The following NCALD variants were observed in gnomAD, a reference collection of about 807,000 sequenced individuals.
NCALD encodes neurocalcin delta.
In NCALD, 10 loss-of-function variants were observed where a neutral mutation model predicts 18.6. The ratio of observed to expected loss-of-function variants is 0.54; its 90% CI spans 0.33 to 0.91. The LOEUF (loss-of-function observed/expected upper bound fraction) is 0.91, where lower values mean the gene tolerates loss of function less well. Among genes scored for constraint, NCALD ranks in the 40% least tolerant of loss-of-function variants. The probability of loss-of-function intolerance (pLI) is 0.03; values close to 1 mark genes in which losing one functional copy is unlikely to be tolerated. For missense variants in NCALD, 184 were observed against 247.6 expected (o/e 0.74, Z 1.72); for synonymous variants, 88 against 87.4 (o/e 1.01, Z -0.04).
At chr8:101,947,202 A>C (rs1400421916) in intron 2 of NCALD, among the ~76,000 whole-genome samples, 3 of 152,236 alleles carry the variant, frequency 2.0e-5, no homozygotes, top group Non-Finnish European at 4.4e-5. Flanking sequence ...CAAGAGCAAA[A>C]GTCATGGCAA....
chr8:101,690,410 T>A (rs191625957), intron 3 of NCALD: 1 of 985,278 alleles, frequency 1.0e-6, no homozygotes, highest in African/African-American at 1.7e-5. Context: ...TTTATTTCCA[T>A]CTGCTCCTCC....
chr8:101,900,825 GTATAAA>G (rs1262880027), intron 3 of NCALD, among the ~76,000 whole-genome samples: 1 of 151,954 alleles, frequency 6.6e-6, no homozygotes, highest in East Asian at 1.9e-4. Flanking sequence ...TGGGTGGATT[GTATAAA>G]TATAAATTAG....
Position 102,086,639 on chromosome 8 carries a change from G to T in NCALD, c.-210+37598C>A, listed in dbSNP as rs144486596. On this transcript the variant is annotated intron_variant, in intron 1 of 6. Coordinates refer to the NCALD transcript ENST00000311028. Reference sequence around the variant, plus strand: ...CCTCTATAAGTGTAATTTTTTCAAAGAGCAAATACAATCATTTCTCATGCT... The same window carrying T: ...CCTCTATAAGTGTAATTTTTTCAAATAGCAAATACAATCATTTCTCATGCT... Among the ~76,000 whole-genome samples the T allele has an allele frequency of 8.5e-5, 13 of 152,264 alleles. No homozygotes were observed. In the East Asian group the frequency reaches 2.3e-3, roughly 27 times the overall value.
chr8:102,022,645 A>C (rs1168775622), intron 1 of NCALD, among the ~76,000 whole-genome samples: 2 of 152,202 alleles, frequency 1.3e-5, no homozygotes, highest in African/African-American at 4.8e-5. Context: ...TTCCAGCAGG[A>C]GCAAAGCAAA....
intron 1 of NCALD, among the ~76,000 whole-genome samples, chr8:102,108,758 T>A (rs747533458): frequency 2.6e-5 from 4 of 152,176 alleles, no homozygotes; most frequent in African/African-American, 7.2e-5. Flanking sequence ...GGAATAATAA[T>A]AATAATGCTC....
intron 1 of NCALD, chr8:101,721,422 G>A (rs574455903): frequency 6.6e-6 from 1 of 152,494 alleles, no homozygotes; most frequent in Non-Finnish European, 1.5e-5. Flanking sequence ...TGACTGATAG[G>A]AAGGTAACTA....
chr8:101,826,549 T>A (rs994632288), intron 4 of NCALD, among the ~76,000 whole-genome samples: 2 of 152,210 alleles, frequency 1.3e-5, no homozygotes, highest in Non-Finnish European at 2.9e-5. Flanking sequence ...CTACTCCAGA[T>A]AAAAGCTTGC....
intron 2 of NCALD, among the ~76,000 whole-genome samples, chr8:101,708,955 T>C (rs1815657368): frequency 6.6e-6 from 1 of 152,142 alleles, no homozygotes. Flanking sequence ...AATATCAATC[T>C]GCTTTGTCCA....
chr8:101,850,837 A>G (rs1815065071), intron 4 of NCALD, among the ~76,000 whole-genome samples: 1 of 152,182 alleles, frequency 6.6e-6, no homozygotes, highest in African/African-American at 2.4e-5. Flanking sequence ...AGCAGCAGTA[A>G]CAATAATCAG....
intron 4 of NCALD, among the ~76,000 whole-genome samples, chr8:101,874,393 C>T (rs540794407): frequency 3.7e-4 from 57 of 152,162 alleles, no homozygotes; most frequent in Non-Finnish European, 6.3e-4. Context: ...TAATGGCCCA[C>T]GATAATAGGA....
At chr8:101,773,333 T>A (rs1811662309) in intron 1 of NCALD, among the ~76,000 whole-genome samples, 1 of 152,206 alleles carries the variant, frequency 6.6e-6, no homozygotes, top group African/African-American at 2.4e-5. Flanking sequence ...CTTCTCTCCC[T>A]GTTCCTCTGC....
chr8:101,897,820 T>C lies in NCALD; in HGVS notation c.-106-10593A>G, dbSNP rs1817262508. Among the ~76,000 whole-genome samples the C allele has an allele frequency of 3.3e-5, 5 of 152,314 alleles. No individual in the cohort carries two copies. In the South Asian group the frequency reaches 1.0e-3, roughly 32 times the overall value. On this transcript the variant is annotated intron_variant, in intron 3 of 6. Transcript: ENST00000311028. ...CCATTTTTTTGCATCCTCACCAGCA[T>C]TTGACATTGATATGGTTTGACTGTG...
At chr8:101,968,021 CAG>C (rs1313732645) in intron 2 of NCALD, among the ~76,000 whole-genome samples, 14 of 152,174 alleles carry the variant, frequency 9.2e-5, no homozygotes, top group African/African-American at 1.2e-4. Flanking sequence ...CAAAGAGAAA[CAG>C]AATATGATTG....
At chr8:101,918,757 C>G (rs930007408) in intron 2 of NCALD, among the ~76,000 whole-genome samples, 4 of 151,696 alleles carry the variant, frequency 2.6e-5, no homozygotes, top group African/African-American at 9.7e-5. Context: ...CACACACACA[C>G]ACACACACAC....
chr8:101,940,229 A>G (rs1046835971), intron 2 of NCALD, among the ~76,000 whole-genome samples: 1 of 152,238 alleles, frequency 6.6e-6, no homozygotes, highest in African/African-American at 2.4e-5. Flanking sequence ...GGTAATTATT[A>G]GAGCAAAAAT....
At chr8:102,117,088 A>G (rs943040388) in intron 1 of NCALD, among the ~76,000 whole-genome samples, 3 of 152,340 alleles carry the variant, frequency 2.0e-5, no homozygotes, top group Admixed American at 6.5e-5. Flanking sequence ...AGTCGCCCCT[A>G]GAATCCCTGG....
chr8:101,859,201 C>T (rs1045901525), intron 4 of NCALD, among the ~76,000 whole-genome samples: 1 of 152,162 alleles, frequency 6.6e-6, no homozygotes, highest in Admixed American at 6.5e-5. Context: ...GTGCCAGATG[C>T]TTCCTGCCCT....
chr8:101,904,764 G>C (rs1429874521), intron 3 of NCALD, among the ~76,000 whole-genome samples: 1 of 152,064 alleles, frequency 6.6e-6, no homozygotes, highest in African/African-American at 2.4e-5. Context: ...TCTGCTTCCT[G>C]CAAGGTGCCT....
At chr8:102,095,027 A>G (rs1169784252) in intron 1 of NCALD, among the ~76,000 whole-genome samples, 2 of 152,194 alleles carry the variant, frequency 1.3e-5, no homozygotes, top group East Asian at 3.8e-4. Flanking sequence ...ATGCCACTCA[A>G]TTTGTTCTAA....
Sources: allele counts gnomAD v4.1 joint callset (sites outside exome capture counted in the v4.1 genomes callset), GRCh38; gene constraint gnomAD v4.1.1; transcripts MANE v1.5; gene names NCBI Gene and HGNC (gene_info 2026-07-23, HGNC 2026-07-21).